The following SLC16A2 variants were observed in gnomAD, a reference collection of about 807,000 sequenced individuals.
SLC16A2 encodes the protein solute carrier family 16 member 2.
Under a neutral mutation model 27.2 loss-of-function variants are expected in SLC16A2, and 3 were observed. The ratio of observed to expected loss-of-function variants is 0.11; its 90% CI spans 0.05 to 0.28. SLC16A2 has a LOEUF of 0.28. Among genes scored for constraint, SLC16A2 ranks in the 10% least tolerant of loss-of-function variants. The pLI is 1.00. For missense variants in SLC16A2, 295 were observed against 458.5 expected (o/e 0.64, Z 3.26); for synonymous variants, 202 against 187.8 (o/e 1.08, Z -0.62).
chrX:74,426,855 T>C (rs889689290), intron 1 of SLC16A2, among the ~76,000 whole-genome samples: 1 of 112,516 alleles, frequency 8.9e-6, no homozygotes, highest in African/African-American at 3.2e-5. Context: ...AAAAGCCCTA[T>C]ATACATCATT....
chrX:74,473,525 C>T, intron 1 of SLC16A2: 1 of 633,580 alleles, frequency 1.6e-6, no homozygotes, highest in South Asian at 2.2e-5. Flanking sequence ...CTTACCACTG[C>T]CTCAGTCGGT....
At chrX:74,468,084 T>A (rs189060626) in intron 1 of SLC16A2, among the ~76,000 whole-genome samples, 69 of 111,972 alleles carry the variant, frequency 6.2e-4, no homozygotes, top group Middle Eastern at 9.2e-3. Flanking sequence ...GTTAAACTTT[T>A]AAAAAAATAG....
intron 1 of SLC16A2, among the ~76,000 whole-genome samples, chrX:74,449,708 C>T (rs1928902857): frequency 8.9e-6 from 1 of 111,815 alleles, no homozygotes; most frequent in South Asian, 3.8e-4. Context: ...AGTGCATTGA[C>T]TCCTTTAGCC....
chrX:74,508,681 T>C lies in SLC16A2; in HGVS notation c.431-12309T>C, dbSNP rs973368603. Among the ~76,000 whole-genome samples the C allele has an allele frequency of 3.6e-5, 4 of 111,881 alleles. No individual in the cohort carries two copies. In the Admixed American group the frequency reaches 3.8e-4, roughly 11 times the overall value. On this transcript the variant is annotated intron_variant, in intron 1 of 5. Coordinates refer to ENST00000587091, the MANE Select transcript of SLC16A2 (RefSeq NM_006517.5). Reference sequence around the variant, plus strand: ...TCATTTCCTACCTGTGTGTCTTCTATTTCTTTTTGCTGTCTTGTTTGTTCG... The same window carrying C: ...TCATTTCCTACCTGTGTGTCTTCTACTTCTTTTTGCTGTCTTGTTTGTTCG...
intron 1 of SLC16A2, chrX:74,473,545 A>T (rs1929400733): frequency 1.4e-6 from 1 of 707,761 alleles, no homozygotes. Context: ...TCATGATTTC[A>T]ATTACTTCAA....
Position 74,445,363 on chromosome X carries a change from T to A in SLC16A2, c.430+23296T>A, listed in dbSNP as rs186267893. Among the ~76,000 whole-genome samples the A allele has an allele frequency of 4.3e-4, 47 of 110,470 alleles. 2 individuals carry two copies. The East Asian group carries it at 9.4e-3, about 22-fold the overall frequency. On this transcript the variant is annotated intron_variant, in intron 1 of 5. Coordinates refer to ENST00000587091, the MANE Select transcript of SLC16A2 (RefSeq NM_006517.5). ...GATCAAAAAGATACTGACTGTGCAC[T>A]ACCTTTCTGCCTCCTTCTCTATTCG...
At position 74,529,314 on chromosome X, in the gene SLC16A2, T is replaced by C; in HGVS notation, c.1272T>C (p.Asp424=). ...IVVCLFLGLC[D]GFFITIMAPI... is the part of the protein sequence containing the mutation. Reference sequence around the variant, plus strand: ...TCTGTCTTTTCCTGGGCCTTTGCGATGGCTTCTTCATCACCATCATGGCCC... The same window carrying C: ...TCTGTCTTTTCCTGGGCCTTTGCGACGGCTTCTTCATCACCATCATGGCCC... The change falls in exon 5 of 6, where the codon GAT becomes GAC. Residue 424 remains aspartate, a synonymous_variant. Transcript: ENST00000587091. 2 of 1,211,173 alleles carry C rather than the reference T, an allele frequency of 1.7e-6. No homozygotes were observed. The highest frequency in any genetic ancestry group is 2.2e-6 in the Non-Finnish European group (2 of 894,996).
At chrX:74,447,397 G>A (rs1479241698) in intron 1 of SLC16A2, among the ~76,000 whole-genome samples, 1 of 111,703 alleles carries the variant, frequency 9.0e-6, no homozygotes, top group African/African-American at 3.3e-5. Context: ...TGGGGGCCTG[G>A]TGTAGTGGTT....
At chrX:74,520,796 C>A (rs1009977228) in intron 1 of SLC16A2, among the ~76,000 whole-genome samples, 194 bp from the exon 2 acceptor site, 2 of 111,583 alleles carry the variant, frequency 1.8e-5, no homozygotes, top group African/African-American at 6.5e-5. Flanking sequence ...CAAATCTTAC[C>A]GCAGTGATAG....
chrX:74,531,458 C>G lies in SLC16A2; in HGVS notation c.1525C>G (p.Gln509Glu). ...LMHQRMFKKEQRDSSKDKMLA... is the reference protein window; with the variant it reads ...LMHQRMFKKEERDSSKDKMLA... ...GCATCAAAGGATGTTCAAGAAAGAGCAGAGAGATTCCAGCAAGGATAAGAT... is the reference window on the plus strand; with the variant it reads ...GCATCAAAGGATGTTCAAGAAAGAGGAGAGAGATTCCAGCAAGGATAAGAT... The change falls in exon 6 of 6, where the codon CAG becomes GAG. Residue 509 changes from glutamine (Q) to glutamate (E), a missense_variant. Around this residue, in one of 3 missense-constraint regions of SLC16A2, gnomAD observed 144 missense variants for 219.8 expected, o/e 0.66. Transcript: ENST00000587091. 1 of 1,211,246 alleles carries G rather than the reference C, an allele frequency of 8.3e-7. No homozygotes were observed. Among genetic ancestry groups the G allele is most frequent in the South Asian group, 1.8e-5 (1 of 56,987 alleles).
chrX:74,489,204 G>T (rs1929778917), intron 1 of SLC16A2, among the ~76,000 whole-genome samples: 1 of 111,578 alleles, frequency 9.0e-6, no homozygotes, highest in Non-Finnish European at 1.9e-5. Context: ...CATTTTGATG[G>T]CTTTGAATTT....
intron 1 of SLC16A2, among the ~76,000 whole-genome samples, chrX:74,502,324 C>T (rs1156524886): frequency 9.0e-6 from 1 of 111,512 alleles, no homozygotes. Context: ...AGATACCAGC[C>T]TCATCAGTGG....
intron 1 of SLC16A2, among the ~76,000 whole-genome samples, chrX:74,467,811 T>G (rs898480074): frequency 1.8e-5 from 2 of 111,541 alleles, no homozygotes; most frequent in African/African-American, 6.5e-5. Context: ...AAACCACTCA[T>G]GAATCACATA....
intron 1 of SLC16A2, among the ~76,000 whole-genome samples, chrX:74,435,335 A>G (rs2147839258): frequency 9.2e-6 from 1 of 108,325 alleles, no homozygotes; most frequent in Non-Finnish European, 1.9e-5. Flanking sequence ...TTCCCACTTT[A>G]CAGTTGCAGA....
At chrX:74,480,637 A>G in intron 1 of SLC16A2, among the ~76,000 whole-genome samples, 2 of 112,693 alleles carry the variant, frequency 1.8e-5, no homozygotes, top group South Asian at 7.4e-4. Context: ...CCCTCAAGAA[A>G]AAGTCAGTAT....
chrX:74,456,080 A>G (rs766045690), intron 1 of SLC16A2, among the ~76,000 whole-genome samples: 1 of 112,043 alleles, frequency 8.9e-6, no homozygotes, highest in African/African-American at 3.2e-5. Context: ...CGAATAAATT[A>G]TTATTTCATG....
intron 1 of SLC16A2, chrX:74,473,240 A>C: frequency 1.3e-6 from 1 of 777,472 alleles, no homozygotes; most frequent in Non-Finnish European, 1.9e-6. Flanking sequence ...AATCCATTAT[A>C]GCCATCCCCA....
Position 74,454,344 on chromosome X carries a change from T to C in SLC16A2, c.430+32277T>C, listed in dbSNP as rs889171928. On this transcript the variant is annotated intron_variant, in intron 1 of 5. Transcript: ENST00000587091. ...AACCAACCCAAATGTCCAACAATGA[T>C]AGACTGGATTAAGAAAATGTGGCAC... Among the ~76,000 whole-genome samples the C allele has an allele frequency of 4.5e-5, 5 of 110,106 alleles. No individual in the cohort carries two copies. The Admixed American group carries it at 4.9e-4, about 11-fold the overall frequency.
intron 1 of SLC16A2, among the ~76,000 whole-genome samples, chrX:74,504,553 A>C (rs188232495): frequency 1.8e-5 from 2 of 112,369 alleles, no homozygotes; most frequent in East Asian, 5.6e-4. Flanking sequence ...CCCCAGGACT[A>C]TATTTAAGTC....
Sources: gnomAD v4.1 joint callset for allele counts (sites outside exome capture counted in the v4.1 genomes callset) on GRCh38, gnomAD v4.1.1 for gene constraint, gnomAD v4.1.1 regional missense constraint, MANE v1.5 for transcripts, NCBI Gene and HGNC (gene_info 2026-07-23, HGNC 2026-07-21) for gene names.